The following TMEM181 variants were observed in gnomAD, a reference collection of about 807,000 sequenced individuals.
The protein encoded by TMEM181 is transmembrane protein 181.
In TMEM181, 39 loss-of-function variants were observed where a neutral mutation model predicts 71.9. The observed-to-expected ratio is 0.54, with a 90% CI of 0.42 to 0.71. TMEM181 has a LOEUF of 0.71. Ranked by LOEUF, TMEM181 falls within the 30% of genes least tolerant of loss-of-function variation. The pLI is 0.00. For missense variants in TMEM181, 595 were observed against 583.0 expected (o/e 1.02, Z -0.21); for synonymous variants, 245 against 228.8 (o/e 1.07, Z -0.64).
At position 158,607,240 on chromosome 6, in the gene TMEM181, G is replaced by A; in HGVS notation, c.574-4G>A. 6.2e-7 allele frequency: 1 copy of A among 1,613,968 alleles called. No individual in the cohort carries two copies. The highest frequency in any genetic ancestry group is 8.5e-7 in the Non-Finnish European group (1 of 1,179,836). On this transcript the variant is annotated splice_region_variant and splice_polypyrimidine_tract_variant and intron_variant, in intron 7 of 16. Transcript: ENST00000684151. ...AGTAACTGGAGGCCTGATTTGGTTT[G>A]CAGTGCCTGTTTGCGCATTCCCTCC...
chr6:158,607,169 C>T lies in TMEM181; in HGVS notation c.574-75C>T, dbSNP rs866311755. 3.7e-5 allele frequency: 45 copies of T among 1,223,674 alleles called. No homozygotes were observed. The Middle Eastern group carries it at 9.6e-4, about 26-fold the overall frequency. The allele number at this position is 1,223,674 out of a possible 1,614,324, so 75.8% of individuals were successfully genotyped here. A position where few individuals can be genotyped will look rare whatever the true frequency, so the allele number is the denominator to read the frequency against. ...TGATTAGAGAAGACAACCTGGTATG[C>T]CGGCAAGGTGTGAGCAAAGGCTGCA... On this transcript the variant is annotated intron_variant, in intron 7 of 16. Transcript: ENST00000684151.
At chr6:158,624,220 A>C (rs1786136195) in intron 11 of TMEM181, among the ~76,000 whole-genome samples, 1 of 151,954 alleles carries the variant, frequency 6.6e-6, no homozygotes, top group Admixed American at 6.6e-5. Context: ...CCCAGGGCCC[A>C]CGTCTGTTGC....
At chr6:158,539,308 T>C (rs1359776383) in intron 1 of TMEM181, among the ~76,000 whole-genome samples, 2 of 152,214 alleles carry the variant, frequency 1.3e-5, no homozygotes, top group Non-Finnish European at 2.9e-5. Flanking sequence ...CACTGAACTA[T>C]CTTGAGTAGC....
intron 1 of TMEM181, among the ~76,000 whole-genome samples, chr6:158,572,066 T>G (rs1004544336): frequency 3.3e-5 from 5 of 152,230 alleles, no homozygotes; most frequent in African/African-American, 1.2e-4. Context: ...GTGACCCTGG[T>G]CTGTGTGCTC....
chr6:158,597,168 C>G (rs891859989), intron 6 of TMEM181, among the ~76,000 whole-genome samples: 2 of 152,178 alleles, frequency 1.3e-5, no homozygotes, highest in African/African-American at 4.8e-5. Context: ...ACTCAAGAAG[C>G]TGATTTCTCT....
chr6:158,605,158 G>GTGTGTGTGTA (rs66593856), intron 6 of TMEM181, 109 bp from the exon 7 acceptor site: 1 of 571,554 alleles, frequency 1.7e-6, no homozygotes, highest in Non-Finnish European at 3.1e-6. Flanking sequence ...GTGTGTGTGT[G>GTGTGTGTGTA]TATGTGTATA....
intron 1 of TMEM181, among the ~76,000 whole-genome samples, chr6:158,573,105 C>T (rs1300967078): frequency 6.6e-6 from 1 of 152,056 alleles, no homozygotes; most frequent in Non-Finnish European, 1.5e-5. Context: ...TGGCAGTGAC[C>T]CCTGGGGGGC....
intron 2 of TMEM181, among the ~76,000 whole-genome samples, chr6:158,580,105 C>T (rs186010272): frequency 3.3e-3 from 499 of 152,084 alleles, no homozygotes; most frequent in African/African-American, 0.011. Flanking sequence ...CTGAGGTGGG[C>T]GGATCTCCTG....
intron 1 of TMEM181, among the ~76,000 whole-genome samples, chr6:158,549,497 A>T (rs1181612837): frequency 6.6e-6 from 1 of 152,230 alleles, no homozygotes; most frequent in Non-Finnish European, 1.5e-5. Context: ...AAATGAAGAA[A>T]GGAGAGAATG....
intron 10 of TMEM181, among the ~76,000 whole-genome samples, chr6:158,622,610 T>C (rs1347618555): frequency 6.6e-6 from 1 of 152,258 alleles, no homozygotes. Flanking sequence ...TTTTCTGGAA[T>C]GTCCCATTTA....
chr6:158,587,471 C>A (rs1783832761), intron 5 of TMEM181, among the ~76,000 whole-genome samples: 1 of 152,026 alleles, frequency 6.6e-6, no homozygotes, highest in Admixed American at 6.6e-5. Context: ...TTTTACATTA[C>A]AGAGATATTT....
In TMEM181 at chr6:158,560,131, C is replaced by G; in HGVS notation, c.-94C>G. ...GGCCGCTGCTCAGCCGCTGTCGCTC[C>G]GGCTCCGGCTGCGGCTGCCGCTGCC... On this transcript the variant is annotated 5_prime_UTR_variant, in exon 1 of 17. Coordinates refer to ENST00000684151, the MANE Select transcript of TMEM181 (RefSeq NM_001376852.1). The G allele has an allele frequency of 1.0e-6, 1 of 984,868 alleles. No individual in the cohort carries two copies. The highest frequency in any genetic ancestry group is 1.2e-6 in the Non-Finnish European group (1 of 829,722). 61.0% of individuals were successfully genotyped at this position (984,868 alleles called of 1,614,324 possible).
intron 3 of TMEM181, among the ~76,000 whole-genome samples, chr6:158,582,346 C>A (rs1035913887): frequency 1.3e-5 from 2 of 152,186 alleles, no homozygotes; most frequent in Admixed American, 1.3e-4. Flanking sequence ...TTCACTAAGA[C>A]AGTAGCTCAT....
intron 11 of TMEM181, 21 bp downstream of exon 11, chr6:158,623,628 C>T: frequency 6.5e-7 from 1 of 1,534,300 alleles, no homozygotes; most frequent in Non-Finnish European, 8.9e-7. Flanking sequence ...TTAATGAGGC[C>T]TGCAATTTTT....
intron 1 of TMEM181, among the ~76,000 whole-genome samples, chr6:158,570,250 T>C (rs1582958134): frequency 6.6e-6 from 1 of 151,034 alleles, no homozygotes; most frequent in East Asian, 1.9e-4. Context: ...TTTTTTTTTT[T>C]GAGATGGAGT....
intron 1 of TMEM181, among the ~76,000 whole-genome samples, chr6:158,547,786 T>C (rs1422932857): frequency 2.0e-5 from 3 of 150,620 alleles, no homozygotes; most frequent in African/African-American, 7.3e-5. Context: ...TCCCTGGCCT[T>C]GCCTCCCGAC....
At chr6:158,631,762 A>G in intron 16 of TMEM181, 48 bp from the exon 17 acceptor site, 1 of 1,541,704 alleles carries the variant, frequency 6.5e-7, no homozygotes, top group South Asian at 1.2e-5. Flanking sequence ...AGAGGAAAAT[A>G]AAGAGCTGTC....
intron 1 of TMEM181, among the ~76,000 whole-genome samples, chr6:158,550,088 C>G (rs992229394): frequency 1.3e-5 from 2 of 151,682 alleles, no homozygotes; most frequent in African/African-American, 4.8e-5. Context: ...GATGTCCCTC[C>G]GTGCTTGGAT....
At chr6:158,597,194 A>G (rs1451801423) in intron 6 of TMEM181, among the ~76,000 whole-genome samples, 1 of 151,494 alleles carries the variant, frequency 6.6e-6, no homozygotes, top group African/African-American at 2.4e-5. Context: ...TTTGTTCTCA[A>G]CCCCATTTTC....
Sources: gnomAD v4.1 joint callset for allele counts (sites outside exome capture counted in the v4.1 genomes callset) on GRCh38, gnomAD v4.1.1 for gene constraint, MANE v1.5 for transcripts, NCBI Gene and HGNC (gene_info 2026-07-23, HGNC 2026-07-21) for gene names.